The following SEL1L3 variants were observed in gnomAD, a reference collection of about 807,000 sequenced individuals.
SEL1L3 encodes the protein protein sel-1 homolog 3.
A neutral mutation model predicts 142.8 loss-of-function variants in SEL1L3; 76 were observed. The ratio of observed to expected loss-of-function variants is 0.53; its 90% CI spans 0.44 to 0.64. The LOEUF is 0.64. SEL1L3 is among the 30% of genes least tolerant of loss of function. SEL1L3 has a pLI of 0.00. For synonymous variants in SEL1L3, 504 were observed against 519.6 expected, an observed-to-expected ratio of 0.97 and a Z score of 0.41; for missense variants, 1,262 against 1,381.7, an observed-to-expected ratio of 0.91 and a Z score of 1.37.
the SEL1L3 span, among the ~76,000 whole-genome samples, chr4:25,725,400 C>T: frequency 4.6e-4 from 70 of 151,128 alleles, no homozygotes; most frequent in Non-Finnish European, 6.9e-4. Context: ...ACTGCAGTCT[C>T]GGCCTCCCGG....
chr4:25,729,822 A>G, the SEL1L3 span, among the ~76,000 whole-genome samples: 1 of 152,194 alleles, frequency 6.6e-6, no homozygotes, highest in Non-Finnish European at 1.5e-5. Flanking sequence ...CGGAGGCTCC[A>G]CTTCTCAGCT....
At chr4:25,729,165 C>T in the SEL1L3 span, among the ~76,000 whole-genome samples, 1 of 152,182 alleles carries the variant, frequency 6.6e-6, no homozygotes, top group Non-Finnish European at 1.5e-5. Flanking sequence ...TTTGACATGA[C>T]AGCTGACTGG....
chr4:25,729,407 A>G, the SEL1L3 span, among the ~76,000 whole-genome samples: 1 of 152,210 alleles, frequency 6.6e-6, no homozygotes, highest in Non-Finnish European at 1.5e-5. Flanking sequence ...AGCTTCTCCT[A>G]TAACCTGTTA....
At chr4:25,841,249 G>A (rs1390357005) in intron 2 of SEL1L3, among the ~76,000 whole-genome samples, 1 of 152,130 alleles carries the variant, frequency 6.6e-6, no homozygotes, top group Non-Finnish European at 1.5e-5. Flanking sequence ...GGCTAGGCTG[G>A]TCTCTAACTC....
At chr4:25,739,740 G>A in the SEL1L3 span, among the ~76,000 whole-genome samples, 183 of 149,412 alleles carry the variant, frequency 1.2e-3, 2 homozygotes, top group Non-Finnish European at 2.0e-3. Context: ...ACCCATGTGT[G>A]TATTCTGAAA....
At chr4:25,842,102 C>T (rs1205117277) in intron 2 of SEL1L3, among the ~76,000 whole-genome samples, 1 of 152,154 alleles carries the variant, frequency 6.6e-6, no homozygotes, top group Non-Finnish European at 1.5e-5. Context: ...TAAGCCTCCA[C>T]ACTCAGTAAA....
At chr4:25,805,015 G>A (rs748425680) in intron 9 of SEL1L3, among the ~76,000 whole-genome samples, 2 of 152,088 alleles carry the variant, frequency 1.3e-5, no homozygotes, top group East Asian at 1.9e-4. Context: ...CTTAGAAATC[G>A]CCTCAAGAGA....
At chr4:25,748,912 C>T (rs62410852) in intron 23 of SEL1L3, among the ~76,000 whole-genome samples, 6,399 of 152,134 alleles carry the variant, frequency 0.042, 197 homozygotes, top group East Asian at 0.093. Context: ...CAGAAGAGGT[C>T]GTGGATTCCA....
At chr4:25,755,155 C>T (rs1457612986) in intron 23 of SEL1L3, among the ~76,000 whole-genome samples, 1 of 152,158 alleles carries the variant, frequency 6.6e-6, no homozygotes, top group Admixed American at 6.5e-5. Flanking sequence ...GTGATCATAG[C>T]TCACTGCAGC....
the SEL1L3 span, among the ~76,000 whole-genome samples, chr4:25,734,862 C>A: frequency 1.3e-5 from 2 of 152,132 alleles, no homozygotes; most frequent in African/African-American, 4.8e-5. Flanking sequence ...AGCCACGATG[C>A]CCAGCCTTTT....
chr4:25,717,049 C>CCCAGGAG, the SEL1L3 span, among the ~76,000 whole-genome samples: 1 of 151,958 alleles, frequency 6.6e-6, no homozygotes, highest in Admixed American at 6.6e-5. Flanking sequence ...ATCACTTGAA[C>CCCAGGAG]CCAGGAGTCA....
intron 6 of SEL1L3, among the ~76,000 whole-genome samples, chr4:25,829,012 C>T (rs531301893): frequency 1.3e-5 from 2 of 152,180 alleles, no homozygotes; most frequent in Non-Finnish European, 2.9e-5. Flanking sequence ...CTTGTTCTGT[C>T]ACCAGGCTGG....
intron 19 of SEL1L3, 38 bp from the exon 20 acceptor site, chr4:25,765,473 T>A (rs554470440): frequency 3.7e-6 from 5 of 1,333,492 alleles, no homozygotes; most frequent in Non-Finnish European, 5.4e-6. Flanking sequence ...TGTCAAGTGG[T>A]TTTTTTTATA....
chr4:25,844,983 G>A (rs2109305424), intron 2 of SEL1L3, among the ~76,000 whole-genome samples: 1 of 151,816 alleles, frequency 6.6e-6, no homozygotes, highest in South Asian at 2.1e-4. Context: ...CACAAATGCA[G>A]AATAAACCAG....
chr4:25,797,981 A>G (rs970276449), intron 11 of SEL1L3, among the ~76,000 whole-genome samples: 3 of 152,150 alleles, frequency 2.0e-5, no homozygotes, highest in African/African-American at 7.2e-5. Context: ...AAAGAATCAA[A>G]GTGGGAAGTC....
intron 13 of SEL1L3, 44 bp from the exon 14 acceptor site, chr4:25,784,334 A>G (rs1711636023): frequency 2.8e-6 from 4 of 1,425,116 alleles, no homozygotes; most frequent in Non-Finnish European, 4.0e-6. Context: ...AAATACAACC[A>G]GACTGCACAC....
At chr4:25,830,219 C>T in intron 5 of SEL1L3, 63 bp from the exon 6 acceptor site, 4 of 1,041,616 alleles carry the variant, frequency 3.8e-6, no homozygotes, top group South Asian at 2.7e-5. Context: ...CCTATGCAGT[C>T]CTTTGTGTAA....
At chr4:25,734,511 A>AC in the SEL1L3 span, among the ~76,000 whole-genome samples, 1 of 152,184 alleles carries the variant, frequency 6.6e-6, no homozygotes, top group African/African-American at 2.4e-5. Context: ...ACACTAGATC[A>AC]TAACGTCTTC....
At chr4:25,726,968 A>C in the SEL1L3 span, among the ~76,000 whole-genome samples, 1 of 122,890 alleles carries the variant, frequency 8.1e-6, no homozygotes, top group Non-Finnish European at 1.7e-5. Context: ...TTGCAGACAG[A>C]TCTTTCTCTC....
Sources: allele counts gnomAD v4.1 joint callset (sites outside exome capture counted in the v4.1 genomes callset), GRCh38; gene constraint gnomAD v4.1.1; transcripts MANE v1.5; gene names NCBI Gene and HGNC (gene_info 2026-07-23, HGNC 2026-07-21).